ABCC1: variants seen among roughly 807,000 people sequenced by gnomAD.
ABCC1 encodes the protein ATP binding cassette subfamily C member 1 (ABCC1 blood group).
In ABCC1, 83 loss-of-function variants were observed where a neutral mutation model predicts 172.9. The observed-to-expected ratio is 0.48, with a 90% CI of 0.40 to 0.58. The LOEUF (loss-of-function observed/expected upper bound fraction) is 0.58. ABCC1 is among the 20% of genes least tolerant of loss of function. The pLI, the probability that ABCC1 is intolerant of heterozygous loss-of-function variation, is 0.00. For missense variants in ABCC1, 1,817 were observed against 2,002.7 expected (o/e 0.91, Z 1.77); for synonymous variants, 937 against 825.2 (o/e 1.14, Z -2.32).
At chr16:16,003,533 A>G (rs58427726) in intron 1 of ABCC1, among the ~76,000 whole-genome samples, 16 of 120,784 alleles carry the variant, frequency 1.3e-4, no homozygotes, top group Middle Eastern at 5.5e-3. Context: ...ATGAATTGGT[A>G]GGTGGGTGGA....
intron 5 of ABCC1, among the ~76,000 whole-genome samples, chr16:16,017,247 T>C (rs1461302236): frequency 6.6e-6 from 1 of 152,200 alleles, no homozygotes; most frequent in Non-Finnish European, 1.5e-5. Context: ...CTTCTTTTTT[T>C]TGAGACAGGG....
chr16:16,081,530 T>C (rs1490840338), intron 16 of ABCC1, among the ~76,000 whole-genome samples: 2 of 152,206 alleles, frequency 1.3e-5, no homozygotes, highest in Admixed American at 6.5e-5. Flanking sequence ...TTTTCCCAAA[T>C]GTTTTAGTTG....
At chr16:16,073,766 A>G (rs1293447744) in intron 14 of ABCC1, among the ~76,000 whole-genome samples, 1 of 152,190 alleles carries the variant, frequency 6.6e-6, no homozygotes, top group Non-Finnish European at 1.5e-5. Context: ...CAAAAAACAA[A>G]CAAACAAAGG....
rs1187351872 is a variant in ABCC1, at chr16:16,136,406, C to T, written c.4126-72C>T. 1.9e-5 allele frequency: 29 copies of T among 1,551,278 alleles called. No homozygotes were observed. In the East Asian group the frequency reaches 6.1e-4, roughly 33 times the overall value. On this transcript the variant is annotated intron_variant, in intron 28 of 30. Coordinates refer to ENST00000399410, the MANE Select transcript of ABCC1 (RefSeq NM_004996.4). Reference sequence around the variant, plus strand: ...ACCTTCAACAGTCCTGGCCAGAAGTCCTTAGGTCGCCTCCATCCATGTCAG... The same window carrying T: ...ACCTTCAACAGTCCTGGCCAGAAGTTCTTAGGTCGCCTCCATCCATGTCAG...
intron 13 of ABCC1, 89 bp from the exon 14 acceptor site, chr16:16,071,553 C>T: frequency 9.2e-7 from 1 of 1,084,434 alleles, no homozygotes; most frequent in Non-Finnish European, 1.4e-6. Context: ...CCCCTCCACA[C>T]CTGGGGAAAC....
At chr16:15,975,373 C>T (rs370314975) in intron 1 of ABCC1, among the ~76,000 whole-genome samples, 1 of 152,102 alleles carries the variant, frequency 6.6e-6, no homozygotes, top group Non-Finnish European at 1.5e-5. Context: ...AATGGCCCAG[C>T]TTGTACACGT....
chr16:16,047,796 G>A (rs2049273477), intron 9 of ABCC1, among the ~76,000 whole-genome samples: 1 of 151,832 alleles, frequency 6.6e-6, no homozygotes, highest in African/African-American at 2.4e-5. Context: ...CCACACCCCA[G>A]ACTTGCAGAA....
chr16:16,006,447 A>T (rs567424549), intron 1 of ABCC1, among the ~76,000 whole-genome samples: 1 of 152,142 alleles, frequency 6.6e-6, no homozygotes, highest in Non-Finnish European at 1.5e-5. Flanking sequence ...AAAAATTTAA[A>T]TTCTTCATTA....
chr16:15,956,530 G>A (rs2046001874), intron 1 of ABCC1, among the ~76,000 whole-genome samples: 1 of 151,960 alleles, frequency 6.6e-6, no homozygotes, highest in African/African-American at 2.4e-5. Flanking sequence ...GAGATGGGGA[G>A]CTTGCTGTGT....
intron 1 of ABCC1, among the ~76,000 whole-genome samples, chr16:15,969,116 A>G (rs1489322955): frequency 1.3e-5 from 2 of 152,082 alleles, no homozygotes; most frequent in African/African-American, 4.8e-5. Context: ...AGGCATAAGG[A>G]TCACTTGAAC....
At chr16:16,097,402 C>G (rs115215588) in intron 19 of ABCC1, among the ~76,000 whole-genome samples, 2 of 152,196 alleles carry the variant, frequency 1.3e-5, no homozygotes, top group African/African-American at 4.8e-5. Flanking sequence ...CATGAGCCAT[C>G]GTGCCCGGCT....
intron 1 of ABCC1, among the ~76,000 whole-genome samples, chr16:15,954,838 G>A (rs896584335): frequency 6.6e-6 from 1 of 152,144 alleles, no homozygotes; most frequent in Non-Finnish European, 1.5e-5. Context: ...CAACTTTTAG[G>A]AACTGATCTC....
chr16:16,019,689 C>T (rs2048128700), intron 5 of ABCC1, among the ~76,000 whole-genome samples: 1 of 152,178 alleles, frequency 6.6e-6, no homozygotes, highest in African/African-American at 2.4e-5. Flanking sequence ...ACCAGGGTGA[C>T]TCACAGATCT....
chr16:16,001,539 T>C (rs559905271), intron 1 of ABCC1, among the ~76,000 whole-genome samples: 8 of 152,248 alleles, frequency 5.3e-5, no homozygotes, highest in African/African-American at 1.9e-4. Flanking sequence ...CCATGGGAAG[T>C]TGTTTCCCAG....
chr16:16,116,748 C>G (rs1195656614), intron 23 of ABCC1, among the ~76,000 whole-genome samples: 1 of 151,962 alleles, frequency 6.6e-6, no homozygotes, highest in Non-Finnish European at 1.5e-5. Context: ...TTAGTAGAGA[C>G]GAGGTTTCAC....
chr16:16,010,093 G>C (rs2047722080), intron 3 of ABCC1, among the ~76,000 whole-genome samples, 192 bp downstream of exon 3: 1 of 117,956 alleles, frequency 8.5e-6, no homozygotes, highest in Admixed American at 1.2e-4. Context: ...ATCCAGGCTG[G>C]AGTGCTATGG....
At chr16:16,075,441 A>G (rs1596465247) in intron 14 of ABCC1, among the ~76,000 whole-genome samples, 1 of 152,018 alleles carries the variant, frequency 6.6e-6, no homozygotes, top group African/African-American at 2.4e-5. Flanking sequence ...GCTGAGCAAC[A>G]TGTCAAGACC....
intron 19 of ABCC1, among the ~76,000 whole-genome samples, chr16:16,094,041 A>T (rs2051363986): frequency 8.6e-6 from 1 of 115,756 alleles, no homozygotes; most frequent in South Asian, 2.5e-4. Context: ...ATTTATTCCC[A>T]TGCCATAAGC....
intron 1 of ABCC1, among the ~76,000 whole-genome samples, chr16:15,992,076 T>C (rs1567291401): frequency 6.6e-6 from 1 of 152,020 alleles, no homozygotes; most frequent in Non-Finnish European, 1.5e-5. Flanking sequence ...CCTGTGGCAT[T>C]AGATTCTCAT....
Sources: gnomAD v4.1 joint callset for allele counts (sites outside exome capture counted in the v4.1 genomes callset) on GRCh38, gnomAD v4.1.1 for gene constraint, MANE v1.5 for transcripts, NCBI Gene and HGNC (gene_info 2026-07-23, HGNC 2026-07-21) for gene names.